MORF4L1: variants seen among roughly 807,000 people sequenced by gnomAD.
MORF4L1 encodes mortality factor 4-like protein 1.
A neutral mutation model predicts 52.9 loss-of-function variants in MORF4L1; 4 were observed. The observed-to-expected ratio is 0.08, with a 90% CI of 0.04 to 0.17. MORF4L1 has a LOEUF of 0.17. Among genes scored for constraint, MORF4L1 ranks in the 10% least tolerant of loss-of-function variants. The pLI, the probability that MORF4L1 is intolerant of heterozygous loss-of-function variation, is 1.00. For synonymous variants in MORF4L1, 123 were observed against 134.8 expected (o/e 0.91, Z 0.61); for missense variants, 214 against 390.4 (o/e 0.55, Z 3.81).
At chr15:78,882,512 C>T (rs61009187) in intron 3 of MORF4L1, among the ~76,000 whole-genome samples, 7,081 of 152,206 alleles carry the variant, frequency 0.047, 640 homozygotes, top group East Asian at 0.37. Flanking sequence ...AAAATAGTGA[C>T]TCCTAGTGTA....
rs16970207 is a variant in MORF4L1 at position 78,894,242 on chromosome 15, T to C, written c.802+12T>C. 33,611 of 1,587,402 alleles carry C rather than the reference T, an allele frequency of 0.021. 3,998 individuals carry two copies. In the East Asian group the frequency reaches 0.35, roughly 16 times the overall value. ...CCTGAGATTATTTGGTAATATGTCA[T>C]GTAGAAAATAATGGATTTTACTTTT... On this transcript the variant is annotated intron_variant, in intron 10 of 11. Coordinates refer to ENST00000426013, the MANE Select transcript of MORF4L1 (RefSeq NM_006791.4).
chr15:78,894,814 A>C lies in MORF4L1; in HGVS notation c.803-6A>C. 1.2e-6 allele frequency: 2 copies of C among 1,609,078 alleles called. No individual in the cohort carries two copies. Among genetic ancestry groups the C allele is most frequent in the Non-Finnish European group, 8.5e-7 (1 of 1,175,438 alleles). On this transcript the variant is annotated splice_polypyrimidine_tract_variant and splice_region_variant and intron_variant, in intron 10 of 11. Transcript: ENST00000426013. ...TAACTTTGGATAAATTCTCTTGTTTAAACAGTACGAATTGGAGCAATGTTG... is the reference window on the plus strand; with the variant it reads ...TAACTTTGGATAAATTCTCTTGTTTCAACAGTACGAATTGGAGCAATGTTG...
intron 11 of MORF4L1, among the ~76,000 whole-genome samples, chr15:78,895,596 G>A (rs72749237): frequency 2.0e-5 from 3 of 152,316 alleles, no homozygotes; most frequent in Non-Finnish European, 4.4e-5. Context: ...TGATAAAGAT[G>A]TCCATGTTTT....
rs201911858 is a variant in MORF4L1, at chr15:78,893,531, C to T, written c.541-8C>T. On this transcript the variant is annotated splice_polypyrimidine_tract_variant and splice_region_variant and intron_variant, in intron 8 of 11. Coordinates refer to ENST00000426013, the MANE Select transcript of MORF4L1 (RefSeq NM_006791.4). Reference sequence around the variant, plus strand: ...TGCTTATATTTAAGCATATTTTTGTCTTCATAGCTCTTTTATCTTCCTGCC... The same window carrying T: ...TGCTTATATTTAAGCATATTTTTGTTTTCATAGCTCTTTTATCTTCCTGCC... The T allele has an allele frequency of 6.3e-7, 1 of 1,587,508 alleles. No individual in the cohort carries two copies.
At chr15:78,894,937 T>A (rs1390350151) in intron 11 of MORF4L1, 33 bp downstream of exon 11, 6 of 1,549,108 alleles carry the variant, frequency 3.9e-6, no homozygotes, top group Non-Finnish European at 5.4e-6. Flanking sequence ...AAACATGGAT[T>A]TGAAAATTAG....
chr15:78,875,527 GGGAGGCCGA>G (rs1461186984), intron 1 of MORF4L1, among the ~76,000 whole-genome samples: 5 of 152,204 alleles, frequency 3.3e-5, no homozygotes, highest in African/African-American at 1.2e-4. Context: ...CCAGCACTTT[GGGAGGCCGA>G]GGTGGGTGGG....
intron 1 of MORF4L1, among the ~76,000 whole-genome samples, chr15:78,874,107 A>G (rs1237975226): frequency 6.7e-6 from 1 of 148,488 alleles, no homozygotes; most frequent in Non-Finnish European, 1.5e-5. Context: ...CGCTTCAGTT[A>G]ACGTATAATA....
chr15:78,887,198 AATCAG>A, intron 4 of MORF4L1, 66 bp from the exon 5 acceptor site: 12 of 1,298,500 alleles, frequency 9.2e-6, no homozygotes, highest in Non-Finnish European at 1.1e-6. Flanking sequence ...TTCCTAATGG[AATCAG>A]GCTGACAATT....
intron 1 of MORF4L1, 92 bp from the exon 2 acceptor site, chr15:78,878,121 A>G: frequency 7.4e-7 from 1 of 1,349,508 alleles, no homozygotes; most frequent in Non-Finnish European, 1.0e-6. Context: ...TTGGCTAGGA[A>G]TACCTTAATA....
intron 9 of MORF4L1, 56 bp downstream of exon 9, chr15:78,893,683 A>AT: frequency 8.3e-7 from 1 of 1,210,508 alleles, no homozygotes; most frequent in Non-Finnish European, 1.2e-6. Context: ...AAGTTTCTAA[A>AT]TAAGTCATCT....
At chr15:78,884,661 ACACACAC>A (rs1567307664) in intron 3 of MORF4L1, among the ~76,000 whole-genome samples, 5,587 of 33,682 alleles carry the variant, frequency 0.17, 227 homozygotes, top group Middle Eastern at 0.24. Context: ...AAAAAAAAAT[ACACACAC>A]ACACACACAC....
chr15:78,890,091 G>T (rs1364637290), intron 5 of MORF4L1, among the ~76,000 whole-genome samples: 2 of 152,174 alleles, frequency 1.3e-5, no homozygotes, highest in African/African-American at 2.4e-5. Flanking sequence ...GTGGTGGTGG[G>T]TGCCTATGGT....
Position 78,892,195 on chromosome 15 carries a change from C to T in MORF4L1, c.439-17C>T, listed in dbSNP as rs761156352. On this transcript the variant is annotated splice_polypyrimidine_tract_variant and intron_variant, in intron 7 of 11. Coordinates refer to ENST00000426013, the MANE Select transcript of MORF4L1 (RefSeq NM_006791.4). Reference sequence around the variant, plus strand: ...AAGAAAGGTTAGGTTTTTAATACTCCTCCTGTTTCTGTTTAGGAGGAAACA... The same window carrying T: ...AAGAAAGGTTAGGTTTTTAATACTCTTCCTGTTTCTGTTTAGGAGGAAACA... 1.3e-5 allele frequency: 20 copies of T among 1,573,808 alleles called. No individual in the cohort carries two copies. Among genetic ancestry groups the T allele is most frequent in the Admixed American group, 3.4e-5 (2 of 58,896 alleles).
rs71148578 is a variant in MORF4L1 at position 78,896,308 on chromosome 15, CTTTTTTTTTTTT to C, written c.888-663_888-652del. On this transcript the variant is annotated intron_variant, in intron 11 of 11. Transcript: ENST00000426013. The stretch of plus-strand genomic sequence containing the variant: ...ATTTTTTTCTTTTTTCTTTTCTTTT[CTTTTTTTTTTTT>C]TTTTTTTTTTTGAGATGGAGTTTCA... 1.1e-4 allele frequency among the ~76,000 whole-genome samples: 9 copies of C among 81,450 alleles called. No individual in the cohort carries two copies. The South Asian group carries it at 1.4e-3, about 12-fold the overall frequency. 53.4% of individuals were successfully genotyped at this position (81,450 alleles called of 152,430 possible). A position where few individuals can be genotyped will look rare whatever the true frequency, so the allele number is the denominator to read the frequency against.
intron 3 of MORF4L1, among the ~76,000 whole-genome samples, chr15:78,884,339 C>G (rs1170917687): frequency 6.6e-6 from 1 of 152,070 alleles, no homozygotes; most frequent in Non-Finnish European, 1.5e-5. Context: ...TGGTGAAACT[C>G]TGTCTCTACT....
At chr15:78,880,609 TAATTAAC>T in intron 3 of MORF4L1, 30 bp downstream of exon 3, 1 of 1,489,596 alleles carries the variant, frequency 6.7e-7, no homozygotes, top group Non-Finnish European at 9.2e-7. Flanking sequence ...ATTCTATTTG[TAATTAAC>T]AAGATAGCTT....
chr15:78,876,804 TC>T (rs1363771823), intron 1 of MORF4L1, among the ~76,000 whole-genome samples: 1 of 152,224 alleles, frequency 6.6e-6, no homozygotes, highest in Admixed American at 6.5e-5. Flanking sequence ...TAGCAGTGAT[TC>T]TTTATAGAGT....
chr15:78,890,347 CAA>C (rs1402847029), intron 5 of MORF4L1, among the ~76,000 whole-genome samples: 1 of 149,882 alleles, frequency 6.7e-6, no homozygotes, highest in Non-Finnish European at 1.5e-5. Context: ...TTTTGGGGAA[CAA>C]AAATAATTGG....
intron 5 of MORF4L1, among the ~76,000 whole-genome samples, chr15:78,890,287 A>G (rs568593765): frequency 6.7e-6 from 1 of 148,726 alleles, no homozygotes; most frequent in Non-Finnish European, 1.5e-5. Flanking sequence ...TAGAGATGAT[A>G]ATCAAGATGA....
Sources: allele counts gnomAD v4.1 joint callset (sites outside exome capture counted in the v4.1 genomes callset), GRCh38; gene constraint gnomAD v4.1.1; transcripts MANE v1.5; gene names NCBI Gene and HGNC (gene_info 2026-07-23, HGNC 2026-07-21).